MSI2: variants seen among roughly 807,000 people sequenced by gnomAD.
The protein encoded by MSI2 is musashi RNA binding protein 2.
Under a neutral mutation model 45.6 loss-of-function variants are expected in MSI2, and 17 were observed. The ratio of observed to expected loss-of-function variants is 0.37; its 90% CI spans 0.26 to 0.56. The LOEUF (loss-of-function observed/expected upper bound fraction) is 0.56, where lower values mean the gene tolerates loss of function less well. Among genes scored for constraint, MSI2 ranks in the 20% least tolerant of loss-of-function variants. MSI2 has a pLI of 0.77. For missense variants in MSI2, 293 were observed against 444.2 expected (o/e 0.66, Z 3.06); for synonymous variants, 156 against 158.2 (o/e 0.99, Z 0.11).
chr17:57,697,861 G>A, the MSI2 span, among the ~76,000 whole-genome samples: 10 of 152,258 alleles, frequency 6.6e-5, no homozygotes, highest in African/African-American at 2.4e-4. Flanking sequence ...TGGGAATTAT[G>A]AGAGCTACAA....
intron 5 of MSI2, among the ~76,000 whole-genome samples, chr17:57,276,989 C>T (rs1311002069): frequency 1.3e-5 from 2 of 151,492 alleles, no homozygotes; most frequent in African/African-American, 4.9e-5. Context: ...ACCTGTTCTC[C>T]TTGGGTTGTA....
Position 57,644,522 on chromosome 17 carries a change from G to A in MSI2, c.728-7577G>A, listed in dbSNP as rs565835649. Among the ~76,000 whole-genome samples, 153 of 152,268 alleles carry A rather than the reference G, an allele frequency of 1.0e-3. 2 individuals are homozygous for A. Among genetic ancestry groups the A allele is most frequent in the African/African-American group, 3.5e-3 (145 of 41,560 alleles). Reference sequence around the variant, plus strand: ...CGGGAGGTGGGAGCATCCTGGGCCAGCCAGGATGACAGATGGCGGTGTTTC... The same window carrying A: ...CGGGAGGTGGGAGCATCCTGGGCCAACCAGGATGACAGATGGCGGTGTTTC... On this transcript the variant is annotated intron_variant, in intron 10 of 13. Coordinates refer to ENST00000284073, the MANE Select transcript of MSI2 (RefSeq NM_138962.4).
intron 6 of MSI2, among the ~76,000 whole-genome samples, chr17:57,417,372 T>C (rs2084314337): frequency 6.6e-6 from 1 of 152,168 alleles, no homozygotes; most frequent in Admixed American, 6.5e-5. Context: ...CTCACTTCCA[T>C]GGACCTGAAA....
intron 9 of MSI2, among the ~76,000 whole-genome samples, chr17:57,618,584 G>T (rs749136740): frequency 5.3e-5 from 8 of 151,978 alleles, no homozygotes; most frequent in Admixed American, 5.2e-4. Flanking sequence ...TCGCTCTGTC[G>T]CCAGGCTGGA....
At chr17:57,604,809 G>A (rs751808558) in intron 8 of MSI2, among the ~76,000 whole-genome samples, 1 of 152,156 alleles carries the variant, frequency 6.6e-6, no homozygotes, top group African/African-American at 2.4e-5. Flanking sequence ...ATCCATGGAG[G>A]CCAGCCGCAG....
chr17:57,692,981 T>C, the MSI2 span, among the ~76,000 whole-genome samples: 1 of 151,994 alleles, frequency 6.6e-6, no homozygotes, highest in Non-Finnish European at 1.5e-5. Flanking sequence ...TGTGGTTTCA[T>C]GTCTTTCATT....
At chr17:57,667,908 C>T (rs12150552) in intron 11 of MSI2, among the ~76,000 whole-genome samples, 56,616 of 152,068 alleles carry the variant, frequency 0.37, 10,822 homozygotes, top group Admixed American at 0.45. Context: ...AATAAAAACA[C>T]ACCAGGAGGG....
chr17:57,455,304 C>T (rs1385168326), intron 6 of MSI2, among the ~76,000 whole-genome samples: 1 of 152,242 alleles, frequency 6.6e-6, no homozygotes, highest in African/African-American at 2.4e-5. Flanking sequence ...CCAACTCACA[C>T]ACAGGGAGCT....
intron 5 of MSI2, among the ~76,000 whole-genome samples, chr17:57,366,244 G>A (rs1917181811): frequency 6.6e-6 from 1 of 152,166 alleles, no homozygotes; most frequent in Non-Finnish European, 1.5e-5. Flanking sequence ...TTTCAGTTGG[G>A]GAAGTTGAGG....
At chr17:57,394,508 C>T (rs2083854381) in intron 5 of MSI2, among the ~76,000 whole-genome samples, 1 of 152,210 alleles carries the variant, frequency 6.6e-6, no homozygotes, top group African/African-American at 2.4e-5. Flanking sequence ...AGGGCTTTTC[C>T]ATAGGGGAAA....
chr17:57,360,972 T>C (rs1916771040), intron 5 of MSI2, among the ~76,000 whole-genome samples: 1 of 152,164 alleles, frequency 6.6e-6, no homozygotes, highest in South Asian at 2.1e-4. Flanking sequence ...TCCATAAAAT[T>C]TGCTATGGAT....
chr17:57,685,277 G>A (rs1567979441), downstream of MSI2, among the ~76,000 whole-genome samples: 1 of 152,270 alleles, frequency 6.6e-6, no homozygotes, highest in East Asian at 1.9e-4. Context: ...CCAGTACATT[G>A]AGGGCAAGTC....
intron 5 of MSI2, among the ~76,000 whole-genome samples, chr17:57,272,023 C>T (rs922781721): frequency 1.1e-4 from 17 of 152,046 alleles, no homozygotes; most frequent in Non-Finnish European, 2.5e-4. Flanking sequence ...TGCTGAGTGA[C>T]ATTAATGAGG....
chr17:57,514,301 A>G (rs1332103026), intron 6 of MSI2, among the ~76,000 whole-genome samples: 1 of 152,246 alleles, frequency 6.6e-6, no homozygotes, highest in Non-Finnish European at 1.5e-5. Flanking sequence ...CAAATAGTAC[A>G]GTTTTCAGCA....
At chr17:57,549,379 G>A (rs574092101) in intron 7 of MSI2, among the ~76,000 whole-genome samples, 24 of 148,094 alleles carry the variant, frequency 1.6e-4, no homozygotes, top group African/African-American at 5.6e-4. Flanking sequence ...GCTGCTGTCC[G>A]GCAACTAAAG....
intron 6 of MSI2, among the ~76,000 whole-genome samples, chr17:57,447,168 G>A (rs1306387070): frequency 6.6e-6 from 1 of 152,172 alleles, no homozygotes; most frequent in Non-Finnish European, 1.5e-5. Flanking sequence ...ACTCACTGCA[G>A]CCTCAACTCC....
chr17:57,321,977 A>G (rs995950774), intron 5 of MSI2, among the ~76,000 whole-genome samples: 2 of 152,012 alleles, frequency 1.3e-5, no homozygotes, highest in African/African-American at 2.4e-5. Flanking sequence ...TTGTATTTTC[A>G]ATAGTGACGA....
At chr17:57,583,954 C>A (rs183431901) in intron 7 of MSI2, among the ~76,000 whole-genome samples, 57 of 152,308 alleles carry the variant, frequency 3.7e-4, no homozygotes, top group African/African-American at 1.3e-3. Context: ...ACTGATGCAT[C>A]TTACATTTTA....
At chr17:57,469,760 A>ATCTCCAGAG (rs1391963258) in intron 6 of MSI2, among the ~76,000 whole-genome samples, 1 of 152,250 alleles carries the variant, frequency 6.6e-6, no homozygotes, top group African/African-American at 2.4e-5. Context: ...CAGTGTCCCC[A>ATCTCCAGAG]TCTCCAGAGT....
Sources: gnomAD v4.1 joint callset for allele counts (sites outside exome capture counted in the v4.1 genomes callset) on GRCh38, gnomAD v4.1.1 for gene constraint, MANE v1.5 for transcripts, NCBI Gene and HGNC (gene_info 2026-07-23, HGNC 2026-07-21) for gene names.